The following ATP9B variants were observed in gnomAD, a reference collection of about 807,000 sequenced individuals.
ATP9B encodes probable phospholipid-transporting ATPase IIB.
A neutral mutation model predicts 146.1 loss-of-function variants in ATP9B; 110 were observed. That is an observed-to-expected ratio of 0.75 (90% CI 0.65 to 0.88). The LOEUF is 0.88. Ranked by LOEUF, ATP9B falls within the 40% of genes least tolerant of loss-of-function variation. ATP9B has a pLI of 0.00. For missense variants in ATP9B, 1,499 were observed against 1,496.4 expected (o/e 1.00, Z -0.03); for synonymous variants, 604 against 569.7 (o/e 1.06, Z -0.86).
rs184260421 is a variant in ATP9B, at chr18:79,288,375, C to T, written c.1411+11179C>T. Among the ~76,000 whole-genome samples, 992 of 152,254 alleles carry T rather than the reference C, an allele frequency of 6.5e-3. 4 individuals carry two copies. Among genetic ancestry groups the T allele is most frequent in the African/African-American group, 0.022 (927 of 41,528 alleles). On this transcript the variant is annotated intron_variant, in intron 13 of 29. Transcript: ENST00000426216. ...TGATCCCTTTACCATTATGTAATGG[C>T]CTTGTCTCTTTTGATCTTCGTTGGT...
At chr18:79,355,026 T>C (rs1451668813) in intron 25 of ATP9B, among the ~76,000 whole-genome samples, 1 of 152,180 alleles carries the variant, frequency 6.6e-6, no homozygotes, top group East Asian at 1.9e-4. Flanking sequence ...GCACCCGGCA[T>C]CTGCAGGGTG....
chr18:79,262,242 A>T (rs1457133429), intron 12 of ATP9B, among the ~76,000 whole-genome samples: 2 of 151,896 alleles, frequency 1.3e-5, no homozygotes, highest in East Asian at 3.9e-4. Context: ...TTCCCTAAAC[A>T]TTCAAGTTTG....
At chr18:79,137,875 A>G (rs961651530) in intron 5 of ATP9B, among the ~76,000 whole-genome samples, 4 of 152,198 alleles carry the variant, frequency 2.6e-5, no homozygotes, top group Non-Finnish European at 5.9e-5. Flanking sequence ...AGCACCTGCT[A>G]CATTCCAGCA....
intron 19 of ATP9B, among the ~76,000 whole-genome samples, chr18:79,338,616 C>T (rs746691705): frequency 3.9e-5 from 6 of 152,276 alleles, no homozygotes; most frequent in Middle Eastern, 3.4e-3. Flanking sequence ...TGCTGTGTGG[C>T]GGGGCACACG....
chr18:79,286,144 A>G (rs1429099524), intron 13 of ATP9B, among the ~76,000 whole-genome samples: 1 of 150,212 alleles, frequency 6.7e-6, no homozygotes, highest in Non-Finnish European at 1.5e-5. Context: ...GTTTTTTCCA[A>G]TTCTGTGAAG....
chr18:79,279,884 C>T lies in ATP9B; in HGVS notation c.1411+2688C>T, dbSNP rs1166931311. On this transcript the variant is annotated intron_variant, in intron 13 of 29. Coordinates refer to ENST00000426216, the MANE Select transcript of ATP9B (RefSeq NM_198531.5). Reference sequence around the variant, plus strand: ...CACTCTTGGTGGGAACTTAAGTTAGCGTTAGCGCATCACTTGGTAAAACAC... The same window carrying T: ...CACTCTTGGTGGGAACTTAAGTTAGTGTTAGCGCATCACTTGGTAAAACAC... Among the ~76,000 whole-genome samples the T allele has an allele frequency of 3.3e-5, 5 of 152,122 alleles. No individual in the cohort carries two copies. In the East Asian group the frequency reaches 5.8e-4, roughly 18 times the overall value.
At chr18:79,342,452 A>G in intron 20 of ATP9B, 86 bp downstream of exon 20, 1 of 862,418 alleles carries the variant, frequency 1.2e-6, no homozygotes, top group Non-Finnish European at 1.8e-6. Context: ...ATATATATTT[A>G]TTAATCACTA....
chr18:79,117,312 A>G (rs1031043070), intron 4 of ATP9B: 5 of 152,216 alleles, frequency 3.3e-5, no homozygotes, highest in African/African-American at 1.2e-4. Context: ...AAAAGGCAGT[A>G]TATAAACTCC....
rs1449058569 is a variant in ATP9B at position 79,130,612 on chromosome 18, G to A, written c.667+4237G>A. Among the ~76,000 whole-genome samples the A allele has an allele frequency of 2.6e-5, 4 of 152,100 alleles. No individual in the cohort carries two copies. In the East Asian group the frequency reaches 7.8e-4, roughly 30 times the overall value. ...CTGTACATTCAGGAAGTACAGCAAA[G>A]CACATGAAGGATAATACGAGAAAAA... On this transcript the variant is annotated intron_variant, in intron 5 of 29. Coordinates refer to ENST00000426216, the MANE Select transcript of ATP9B (RefSeq NM_198531.5).
chr18:79,101,197 G>T (rs1317321221), intron 2 of ATP9B, among the ~76,000 whole-genome samples: 1 of 151,988 alleles, frequency 6.6e-6, no homozygotes, highest in Non-Finnish European at 1.5e-5. Flanking sequence ...CCCACAGGGA[G>T]CTTCCTGTGC....
intron 11 of ATP9B, among the ~76,000 whole-genome samples, chr18:79,224,689 A>G (rs1056661484): frequency 1.3e-5 from 2 of 152,160 alleles, no homozygotes; most frequent in African/African-American, 4.8e-5. Context: ...TGTCGCTGCC[A>G]ATGTCTGTTG....
chr18:79,320,306 C>T (rs940997102), intron 15 of ATP9B, among the ~76,000 whole-genome samples: 31 of 152,222 alleles, frequency 2.0e-4, no homozygotes, highest in African/African-American at 7.2e-4. Flanking sequence ...AGGCGCAGTG[C>T]GAGTACGTCC....
intron 15 of ATP9B, among the ~76,000 whole-genome samples, chr18:79,311,220 C>T (rs1259100470): frequency 1.3e-5 from 2 of 152,182 alleles, no homozygotes; most frequent in Non-Finnish European, 2.9e-5. Flanking sequence ...AAAGGTTACA[C>T]CCCACAATTG....
chr18:79,343,256 T>C (rs189094159), intron 20 of ATP9B, among the ~76,000 whole-genome samples: 2 of 152,348 alleles, frequency 1.3e-5, no homozygotes, highest in East Asian at 1.9e-4. Flanking sequence ...TTCAGTGTTA[T>C]AGCACCACAA....
intron 13 of ATP9B, among the ~76,000 whole-genome samples, chr18:79,280,259 G>C (rs2096362388): frequency 6.6e-6 from 1 of 151,684 alleles, no homozygotes; most frequent in Admixed American, 6.6e-5. Context: ...TTTATATAAA[G>C]ATAAAAGCCA....
At chr18:79,281,651 GAAA>G (rs1481385550) in intron 13 of ATP9B, among the ~76,000 whole-genome samples, 1 of 152,114 alleles carries the variant, frequency 6.6e-6, no homozygotes, top group Non-Finnish European at 1.5e-5. Flanking sequence ...AAAATTCTCA[GAAA>G]AAAAGTGTAA....
At chr18:79,098,491 A>G (rs2146803621) in intron 2 of ATP9B, among the ~76,000 whole-genome samples, 1 of 150,150 alleles carries the variant, frequency 6.7e-6, no homozygotes, top group East Asian at 2.0e-4. Flanking sequence ...CATCTGACAA[A>G]GGGCTAATAT....
chr18:79,121,511 A>G (rs1036612378), intron 4 of ATP9B, among the ~76,000 whole-genome samples: 1 of 152,170 alleles, frequency 6.6e-6, no homozygotes, highest in Non-Finnish European at 1.5e-5. Context: ...ATCTGTAATG[A>G]TCCATTTAAG....
intron 15 of ATP9B, among the ~76,000 whole-genome samples, chr18:79,323,127 G>A (rs997002049): frequency 6.6e-6 from 1 of 151,526 alleles, no homozygotes; most frequent in African/African-American, 2.4e-5. Flanking sequence ...GTTGCTTCGC[G>A]TTAGTAATCC....
Sources: gnomAD v4.1 joint callset for allele counts (sites outside exome capture counted in the v4.1 genomes callset) on GRCh38, gnomAD v4.1.1 for gene constraint, MANE v1.5 for transcripts, NCBI Gene and HGNC (gene_info 2026-07-23, HGNC 2026-07-21) for gene names.